GREB1: variants seen among roughly 807,000 people sequenced by gnomAD.
The protein encoded by GREB1 is protein GREB1.
A neutral mutation model predicts 200.7 loss-of-function variants in GREB1; 106 were observed. The observed-to-expected ratio is 0.53, with a 90% CI of 0.45 to 0.62. GREB1 has a LOEUF of 0.62. GREB1 is among the 20% of genes least tolerant of loss of function. The probability of loss-of-function intolerance (pLI) is 0.00; values close to 1 mark genes in which losing one functional copy is unlikely to be tolerated. For missense variants in GREB1, 2,243 were observed against 2,556.8 expected (o/e 0.88, Z 2.65); for synonymous variants, 1,132 against 1,092.4 (o/e 1.04, Z -0.72).
chr2:11,540,263 G>A (rs1166497852), intron 1 of GREB1, among the ~76,000 whole-genome samples: 1 of 152,234 alleles, frequency 6.6e-6, no homozygotes. Flanking sequence ...ACCGAGACAA[G>A]TCCACTTAAT....
intron 1 of GREB1, among the ~76,000 whole-genome samples, chr2:11,524,053 A>T (rs111842517): frequency 3.8e-5 from 5 of 132,446 alleles, no homozygotes; most frequent in Non-Finnish European, 6.0e-5. Flanking sequence ...ATGCACACTC[A>T]CACACACACA....
intron 7 of GREB1, among the ~76,000 whole-genome samples, chr2:11,584,576 G>A (rs1679874480): frequency 6.6e-6 from 1 of 152,240 alleles, no homozygotes; most frequent in Admixed American, 6.5e-5. Context: ...TGATGATGAT[G>A]TGGGTAATTC....
At chr2:11,578,516 C>T in intron 6 of GREB1, 85 bp downstream of exon 6, 2 of 1,401,682 alleles carry the variant, frequency 1.4e-6, no homozygotes, top group Non-Finnish European at 2.0e-6. Flanking sequence ...TGCCGTCAAG[C>T]ATTCTTCAAA....
At chr2:11,615,396 G>A in intron 20 of GREB1, 106 bp downstream of exon 20, 1 of 973,038 alleles carries the variant, frequency 1.0e-6, no homozygotes, top group Non-Finnish European at 1.6e-6. Context: ...CTCCAGTTCA[G>A]CAGGGTCCTG....
chr2:11,482,919 C>G (rs1050607871), intron 1 of GREB1, among the ~76,000 whole-genome samples: 3 of 151,222 alleles, frequency 2.0e-5, no homozygotes, highest in African/African-American at 7.3e-5. Context: ...CGGCGGCGGG[C>G]GCTCAGGAGC....
intron 1 of GREB1, among the ~76,000 whole-genome samples, chr2:11,520,022 C>T (rs1171482078): frequency 1.3e-5 from 2 of 152,006 alleles, no homozygotes; most frequent in African/African-American, 2.4e-5. Flanking sequence ...TTTGTGGTCC[C>T]AGCTACGCAA....
intron 10 of GREB1, among the ~76,000 whole-genome samples, 172 bp downstream of exon 10, chr2:11,589,103 T>TG (rs1350113766): frequency 6.6e-6 from 1 of 152,066 alleles, no homozygotes; most frequent in Non-Finnish European, 1.5e-5. Context: ...GTCCCCACAC[T>TG]GGGGGGCTGA....
In GREB1 at chr2:11,598,967, T is replaced by A. The variant is rs889066176; in HGVS notation, c.2333+107T>A. ...ACAAATCCTGAAAAGATGGATGATGTTTGGGCTTGGTGTTTCTAAGCAGAT... is the reference window on the plus strand; with the variant it reads ...ACAAATCCTGAAAAGATGGATGATGATTGGGCTTGGTGTTTCTAAGCAGAT... On this transcript the variant is annotated intron_variant, in intron 15 of 32. Coordinates refer to ENST00000381486, the MANE Select transcript of GREB1 (RefSeq NM_014668.4). 2.3e-5 allele frequency: 22 copies of A among 954,114 alleles called. 1 individual carries two copies. The African/African-American group carries it at 3.1e-4, about 13-fold the overall frequency. 59.1% of individuals were successfully genotyped at this position (954,114 alleles called of 1,614,324 possible).
intron 7 of GREB1, chr2:11,581,223 A>G: frequency 1.8e-6 from 1 of 562,990 alleles, no homozygotes. Flanking sequence ...CTTGTTAGTC[A>G]GGGGACCTTG....
chr2:11,588,273 A>G (rs1437898184), intron 9 of GREB1: 1 of 1,068,588 alleles, frequency 9.4e-7, no homozygotes, highest in Admixed American at 4.7e-5. Context: ...CTGTGGTGAT[A>G]TATTGTCCCA....
At chr2:11,546,758 G>A (rs949979208) in intron 1 of GREB1, among the ~76,000 whole-genome samples, 7 of 152,236 alleles carry the variant, frequency 4.6e-5, no homozygotes, top group Non-Finnish European at 8.8e-5. Flanking sequence ...TGTGAATGCA[G>A]GCTTAGTCTC....
chr2:11,515,501 T>A (rs1330901439), intron 1 of GREB1, among the ~76,000 whole-genome samples: 1 of 152,212 alleles, frequency 6.6e-6, no homozygotes, highest in Non-Finnish European at 1.5e-5. Context: ...TTTTCCATTG[T>A]GTTTCTGCCC....
Position 11,612,494 on chromosome 2 carries a change from G to A in GREB1, c.3007-1G>A. Reference sequence around the variant, plus strand: ...CTTTATTTCTTTTTCGTTATCTGCAGATGTGGCAGAAAATTGAGGATGTGG... The same window carrying A: ...CTTTATTTCTTTTTCGTTATCTGCAAATGTGGCAGAAAATTGAGGATGTGG... On this transcript the variant is annotated splice_acceptor_variant, in intron 18 of 32. Transcript: ENST00000381486. LOFTEE classifies it high-confidence loss of function. 1 of 1,599,726 alleles carries A rather than the reference G, an allele frequency of 6.3e-7. No individual in the cohort carries two copies. Among genetic ancestry groups the A allele is most frequent in the Non-Finnish European group, 8.6e-7 (1 of 1,167,212 alleles).
Position 11,640,195 on chromosome 2 carries a change from G to A in GREB1, c.5687-96G>A, listed in dbSNP as rs1685710547. On this transcript the variant is annotated intron_variant, in intron 32 of 32. Transcript: ENST00000381486. This position sits in a 1 kb window ranked among gnomAD's most constrained non-coding sequence, Gnocchi z 4.6. ...TGCCGCTTCTGCCCTTCCCAACAGC[G>A]CCCTGTCTTGTCATTGCAAGTAGAA... is the stretch of plus-strand genomic sequence containing the variant. The A allele has an allele frequency of 5.0e-6, 6 of 1,211,212 alleles. No homozygotes were observed. The highest frequency in any genetic ancestry group is 3.0e-5 in the South Asian group (2 of 67,224). The allele number at this position is 1,211,212 out of a possible 1,614,324, so 75.0% of individuals were successfully genotyped here. A position where few individuals can be genotyped will look rare whatever the true frequency, so the allele number is the denominator to read the frequency against.
intron 8 of GREB1, 117 bp downstream of exon 8, chr2:11,585,391 C>T (rs1679976259): frequency 1.5e-6 from 1 of 647,682 alleles, no homozygotes; most frequent in Non-Finnish European, 2.6e-6. Context: ...TGCGTGTGTA[C>T]TGATGAGGGA....
upstream of GREB1, among the ~76,000 whole-genome samples, chr2:11,532,160 T>A: frequency 6.6e-6 from 1 of 152,174 alleles, no homozygotes. Context: ...AGATCATATA[T>A]TCGAGTCATT....
chr2:11,590,231 C>T (rs1266216114), intron 10 of GREB1, among the ~76,000 whole-genome samples: 3 of 152,156 alleles, frequency 2.0e-5, no homozygotes, highest in South Asian at 2.1e-4. Flanking sequence ...CATCCTGAAT[C>T]CAGCCTCGCT....
chr2:11,592,942 G>A lies in GREB1; in HGVS notation c.1512G>A (p.Leu504=), dbSNP rs747632527. Residue 504 remains leucine (L), a synonymous_variant, in exon 11 of 33, where the codon CTG becomes CTA. Transcript: ENST00000381486. ...APVTSAQLPW[L]ASLAASSCND... ...TGACCTCCGCGCAGCTGCCCTGGCT[G>A]GCCAGCCTGGCCGCCAGCTCCTGCA... The A allele has an allele frequency of 6.3e-7, 1 of 1,585,132 alleles. No individual in the cohort carries two copies. Among genetic ancestry groups the A allele is most frequent in the Non-Finnish European group, 8.6e-7 (1 of 1,164,758 alleles).
At chr2:11,588,289 C>G (rs758399103) in intron 9 of GREB1, 14 of 1,087,012 alleles carry the variant, frequency 1.3e-5, no homozygotes, top group Non-Finnish European at 1.6e-5. Flanking sequence ...TCCCAACTCA[C>G]CTTGCCAGAC....
Sources: gnomAD v4.1 joint callset for allele counts (sites outside exome capture counted in the v4.1 genomes callset) on GRCh38, gnomAD v4.1.1 for gene constraint, Gnocchi (gnomAD v3.1) non-coding constraint, MANE v1.5 for transcripts, NCBI Gene and HGNC (gene_info 2026-07-23, HGNC 2026-07-21) for gene names.